SHROOM4: variants seen among roughly 807,000 people sequenced by gnomAD.
SHROOM4 encodes shroom family member 4.
Under a neutral mutation model 80.3 loss-of-function variants are expected in SHROOM4, and 17 were observed. That is an observed-to-expected ratio of 0.21 (90% confidence interval 0.14 to 0.32). SHROOM4 has a LOEUF of 0.32. SHROOM4 is among the 10% of genes least tolerant of loss of function. The pLI is 1.00. For missense variants in SHROOM4, 993 were observed against 1,140.3 expected, an observed-to-expected ratio of 0.87 and a Z score of 1.86; for synonymous variants, 400 against 437.5, an observed-to-expected ratio of 0.91 and a Z score of 1.07.
chrX:50,611,780 T>C (rs781804864), intron 5 of SHROOM4, among the ~76,000 whole-genome samples: 1 of 109,975 alleles, frequency 9.1e-6, no homozygotes, highest in South Asian at 4.0e-4. Context: ...ATTAGCCAGA[T>C]GTAGTGGCGT....
intron 1 of SHROOM4, among the ~76,000 whole-genome samples, chrX:50,802,597 T>C (rs1557272714): frequency 1.2e-4 from 13 of 112,327 alleles, no homozygotes. Flanking sequence ...GCTGATTCCT[T>C]CAAAATGACC....
At chrX:50,717,694 C>T (rs1934000512) in intron 1 of SHROOM4, among the ~76,000 whole-genome samples, 1 of 111,846 alleles carries the variant, frequency 8.9e-6, no homozygotes, top group African/African-American at 3.3e-5. Context: ...CTTAAAAAGA[C>T]TCCAAGCCAG....
intron 5 of SHROOM4, among the ~76,000 whole-genome samples, chrX:50,623,483 G>A (rs782152654): frequency 2.3e-4 from 26 of 111,363 alleles, no homozygotes; most frequent in African/African-American, 2.3e-4. Context: ...CCACCGCGCC[G>A]GGCCCCTTTT....
chrX:50,785,148 C>A (rs782016228), intron 1 of SHROOM4, among the ~76,000 whole-genome samples: 5 of 111,309 alleles, frequency 4.5e-5, no homozygotes, highest in East Asian at 2.8e-4. Context: ...AGGAATGGAA[C>A]CCTCCTACAG....
chrX:50,720,691 C>T (rs1471171562), intron 1 of SHROOM4, among the ~76,000 whole-genome samples: 1 of 111,359 alleles, frequency 9.0e-6, no homozygotes, highest in Non-Finnish European at 1.9e-5. Context: ...GATCTGGCAA[C>T]AAGAAGAAAG....
intron 1 of SHROOM4, among the ~76,000 whole-genome samples, chrX:50,740,241 A>C (rs1413230929): frequency 3.8e-5 from 4 of 104,476 alleles, no homozygotes; most frequent in African/African-American, 1.4e-4. Flanking sequence ...TAAATGAGTT[A>C]ATGGGTGCAG....
intron 2 of SHROOM4, among the ~76,000 whole-genome samples, chrX:50,653,688 TA>T (rs1192978438): frequency 8.9e-6 from 1 of 112,037 alleles, no homozygotes; most frequent in Non-Finnish European, 1.9e-5. Context: ...TTCAGTATGA[TA>T]CTGGCTGTGG....
At chrX:50,682,435 G>A (rs1174252944) in intron 2 of SHROOM4, among the ~76,000 whole-genome samples, 4 of 111,574 alleles carry the variant, frequency 3.6e-5, no homozygotes, top group African/African-American at 1.3e-4. Context: ...GCTATTCAAT[G>A]AGTATCGAGC....
Position 50,592,958 on chromosome X carries a change from G to A in SHROOM4, c.*3737C>T, listed in dbSNP as rs186233514. The A allele has an allele frequency of 8.9e-6, 1 of 111,985 alleles. No homozygotes were observed. Among genetic ancestry groups the A allele is most frequent in the Admixed American group, 9.5e-5 (1 of 10,578 alleles). 9.2% of individuals were successfully genotyped at this position (111,985 alleles called of 1,213,427 possible). On this transcript the variant is annotated 3_prime_UTR_variant, in exon 9 of 9. Coordinates refer to ENST00000376020, the MANE Select transcript of SHROOM4 (RefSeq NM_020717.5). ...GAAGAAATATATCAGTGAGCTAAAG[G>A]GCAGGGCTGTGATCCTGAGATCCTT...
In SHROOM4 at chrX:50,588,166, G is replaced by A. The variant is rs1167968062; in HGVS notation, c.*8529C>T. Among the ~76,000 whole-genome samples, 3 of 111,092 alleles carry A rather than the reference G, an allele frequency of 2.7e-5. No homozygotes were observed. Among genetic ancestry groups the A allele is most frequent in the Non-Finnish European group, 5.7e-5 (3 of 52,956 alleles). ...ACAGACTACATTGTTCTCATCAGAT[G>A]GTAGTATTGAGCTTGCCAGAAAATT... On this transcript the variant is annotated 3_prime_UTR_variant, in exon 9 of 9. Transcript: ENST00000376020.
chrX:50,610,352 T>TCACACACACACACACA (rs1557249589), intron 5 of SHROOM4, among the ~76,000 whole-genome samples: 15 of 91,709 alleles, frequency 1.6e-4, no homozygotes, highest in African/African-American at 4.6e-4. Flanking sequence ...TCTCTCTCTC[T>TCACACACACACACACA]CACACACACA....
At chrX:50,785,781 G>A (rs181175952) in intron 1 of SHROOM4, among the ~76,000 whole-genome samples, 16 of 110,988 alleles carry the variant, frequency 1.4e-4, no homozygotes, top group Non-Finnish European at 2.8e-4. Flanking sequence ...ATTTATATAC[G>A]TATTTATACA....
chrX:50,702,259 G>A (rs782526560), intron 1 of SHROOM4, among the ~76,000 whole-genome samples: 2 of 111,792 alleles, frequency 1.8e-5, no homozygotes, highest in African/African-American at 3.2e-5. Flanking sequence ...ATCTCTCTAC[G>A]TTGCTGGCAG....
Position 50,642,806 on chromosome X carries a change from T to C in SHROOM4, c.270-4498A>G, listed in dbSNP as rs782666460. Among the ~76,000 whole-genome samples, 29 of 111,804 alleles carry C rather than the reference T, an allele frequency of 2.6e-4. No homozygotes were observed. In the South Asian group the frequency reaches 0.011, roughly 41 times the overall value. On this transcript the variant is annotated intron_variant, in intron 2 of 8. Transcript: ENST00000376020. ...CACTTTACAAATGGAGAACCAGAGA[T>C]GCATAAAGCTTAAGTGATTCGCCAA...
At chrX:50,639,036 C>G (rs1931483322) in intron 2 of SHROOM4, among the ~76,000 whole-genome samples, 1 of 112,695 alleles carries the variant, frequency 8.9e-6, no homozygotes, top group African/African-American at 3.2e-5. Flanking sequence ...CCATGTTAGG[C>G]TGACAGAGGA....
intron 1 of SHROOM4, among the ~76,000 whole-genome samples, chrX:50,732,737 A>G (rs1447528132): frequency 8.9e-6 from 1 of 112,414 alleles, no homozygotes; most frequent in East Asian, 2.8e-4. Context: ...GAAGTAACAG[A>G]TAACCTTAAC....
rs1928808120 is a variant in SHROOM4 at position 50,588,802 on chromosome X, T to C, written c.*7893A>G. On this transcript the variant is annotated 3_prime_UTR_variant, in exon 9 of 9. Coordinates refer to ENST00000376020, the MANE Select transcript of SHROOM4 (RefSeq NM_020717.5). ...ACATGGCAGACATTATTTTAAGTGC[T>C]TCATGTGAATTATCTCATTTAATCA... is the stretch of plus-strand genomic sequence containing the variant. Among the ~76,000 whole-genome samples the C allele has an allele frequency of 8.9e-6, 1 of 112,470 alleles. No individual in the cohort carries two copies. The highest frequency in any genetic ancestry group is 3.2e-5 in the African/African-American group (1 of 30,960).
chrX:50,734,769 C>T (rs1458862065), intron 1 of SHROOM4, among the ~76,000 whole-genome samples: 1 of 110,763 alleles, frequency 9.0e-6, no homozygotes. Flanking sequence ...TGGGAGGGAC[C>T]CCATGGGAGA....
intron 1 of SHROOM4, among the ~76,000 whole-genome samples, chrX:50,726,157 T>C (rs1934238767): frequency 8.9e-6 from 1 of 111,822 alleles, no homozygotes; most frequent in African/African-American, 3.3e-5. Flanking sequence ...AGAGATGATT[T>C]AGTATATCTG....
Sources: allele counts gnomAD v4.1 joint callset (sites outside exome capture counted in the v4.1 genomes callset), GRCh38; gene constraint gnomAD v4.1.1; transcripts MANE v1.5; gene names NCBI Gene and HGNC (gene_info 2026-07-23, HGNC 2026-07-21).